GXYLT2: variants seen among roughly 807,000 people sequenced by gnomAD.
GXYLT2 encodes the protein glycosyltransferase 8 domain containing 4.
In GXYLT2, 53 loss-of-function variants were observed where a neutral mutation model predicts 45.8. The ratio of observed to expected loss-of-function variants is 1.16; its 90% CI spans 0.93 to 1.46. GXYLT2 has a LOEUF of 1.46. Among genes scored for constraint, GXYLT2 ranks in the 40% most tolerant of loss-of-function variants. The pLI is 0.00. For synonymous variants in GXYLT2, 219 were observed against 214.2 expected, an observed-to-expected ratio of 1.02 and a Z score of -0.19; for missense variants, 551 against 544.4, an observed-to-expected ratio of 1.01 and a Z score of -0.12.
At position 72,962,412 on chromosome 3, in the gene GXYLT2, G is replaced by A. The variant is rs995608882; in HGVS notation, c.976+5060G>A. On this transcript the variant is annotated intron_variant, in intron 5 of 6. Transcript: ENST00000389617. ...AGTTGGTGTTCAGAAGTGTTGTTTG[G>A]TTGAATGAATGGAATTAAGAGAAGG... Among the ~76,000 whole-genome samples, 4 of 152,154 alleles carry A rather than the reference G, an allele frequency of 2.6e-5. No homozygotes were observed. The East Asian group carries it at 7.7e-4, about 29-fold the overall frequency.
At chr3:72,931,132 A>G (rs960470677) in intron 3 of GXYLT2, among the ~76,000 whole-genome samples, 35 of 152,236 alleles carry the variant, frequency 2.3e-4, no homozygotes, top group African/African-American at 8.2e-4. Context: ...TTCTCTGACC[A>G]CAGTGGAATG....
At chr3:72,967,856 G>T (rs186894533) in intron 6 of GXYLT2, 137 bp downstream of exon 6, 20 of 671,868 alleles carry the variant, frequency 3.0e-5, no homozygotes, top group Non-Finnish European at 5.2e-5. Context: ...CCTCAGTCAC[G>T]CTCTGTCACT....
intron 2 of GXYLT2, 79 bp downstream of exon 2, chr3:72,908,638 T>G: frequency 8.6e-7 from 1 of 1,157,598 alleles, no homozygotes; most frequent in East Asian, 2.4e-5. Context: ...TTCTGTTAAC[T>G]AATGTATTTT....
rs1439252386 is a variant in GXYLT2, at chr3:72,888,520, C to T, written c.275+12C>T. The T allele has an allele frequency of 3.3e-6, 4 of 1,224,690 alleles. No individual in the cohort carries two copies. Among genetic ancestry groups the T allele is most frequent in the South Asian group, 5.7e-5 (2 of 35,326 alleles). The allele number at this position is 1,224,690 out of a possible 1,614,324, so 75.9% of individuals were successfully genotyped here. On this transcript the variant is annotated intron_variant, in intron 1 of 6. Transcript: ENST00000389617. The stretch of plus-strand genomic sequence containing the variant: ...GAGAAGTTGGCGAGGTGAGTCGTGG[C>T]AACCCCAGAATCCCATCTGCGGACC...
intron 3 of GXYLT2, chr3:72,928,979 G>GC: frequency 2.0e-6 from 2 of 992,664 alleles, no homozygotes; most frequent in Non-Finnish European, 3.1e-6. Context: ...CCTCGGTACC[G>GC]CCCCAAGGCC....
At chr3:72,967,769 A>C in intron 6 of GXYLT2, 50 bp downstream of exon 6, 1 of 1,535,394 alleles carries the variant, frequency 6.5e-7, no homozygotes, top group East Asian at 2.3e-5. Flanking sequence ...AGCATGAAGC[A>C]ATATTGGCGC....
At chr3:72,935,779 G>A (rs984772693) in intron 3 of GXYLT2, among the ~76,000 whole-genome samples, 2 of 152,118 alleles carry the variant, frequency 1.3e-5, no homozygotes, top group African/African-American at 4.8e-5. Context: ...TAAGTGTCTA[G>A]GTCGCAAGAC....
intron 5 of GXYLT2, among the ~76,000 whole-genome samples, chr3:72,963,507 G>GTT (rs71126809): frequency 0.47 from 67,815 of 143,560 alleles, 18,588 homozygotes; most frequent in Non-Finnish European, 0.62. Context: ...GGAGTTTTTT[G>GTT]TTTTTTTTTT....
At chr3:72,915,755 C>T (rs1451662026) in intron 2 of GXYLT2, among the ~76,000 whole-genome samples, 2 of 151,892 alleles carry the variant, frequency 1.3e-5, no homozygotes, top group Non-Finnish European at 2.9e-5. Context: ...ATTGCTTGAA[C>T]CTAGGAGGCA....
At chr3:72,929,460 C>G in intron 3 of GXYLT2, 1 of 1,510,424 alleles carries the variant, frequency 6.6e-7, no homozygotes, top group East Asian at 2.3e-5. Context: ...GACACATTAC[C>G]TGAATGAGCA....
intron 3 of GXYLT2, among the ~76,000 whole-genome samples, chr3:72,943,395 G>C (rs1254827930): frequency 2.7e-5 from 4 of 145,998 alleles, no homozygotes; most frequent in African/African-American, 1.0e-4. Context: ...TTTTTTTTTG[G>C]AGACAGGGTC....
chr3:72,929,029 C>T (rs1241416594), intron 3 of GXYLT2: 8 of 1,496,124 alleles, frequency 5.3e-6, no homozygotes, highest in Non-Finnish European at 7.3e-6. Context: ...GCCGCCTCTC[C>T]TTAGCCGCCG....
At chr3:72,897,766 G>C (rs1165316392) in intron 1 of GXYLT2, among the ~76,000 whole-genome samples, 1 of 152,182 alleles carries the variant, frequency 6.6e-6, no homozygotes, top group African/African-American at 2.4e-5. Flanking sequence ...CAAGTGGCAG[G>C]CCTAGAATTT....
At chr3:72,905,605 T>C (rs1252964256) in intron 1 of GXYLT2, among the ~76,000 whole-genome samples, 1 of 152,220 alleles carries the variant, frequency 6.6e-6, no homozygotes, top group Non-Finnish European at 1.5e-5. Context: ...GCATAGGTCT[T>C]GTGCAAATGT....
Position 72,955,185 on chromosome 3 carries a change from A to T in GXYLT2, c.688A>T (p.Arg230Trp). Residue 230 changes from arginine to tryptophan, a missense_variant, in exon 4 of 7, where the codon AGG becomes TGG. Transcript: ENST00000389617. ...TGTTGATGACATCTGGAAGCTTCTG[A>T]GGCTGTTTAATTCCACCCAGCTTGC... ...RPVDDIWKLL[R>W]LFNSTQLAAM... 2 of 1,614,012 alleles carry T rather than the reference A, an allele frequency of 1.2e-6. No individual in the cohort carries two copies. Among genetic ancestry groups the T allele is most frequent in the Non-Finnish European group, 1.7e-6 (2 of 1,179,900 alleles).
In GXYLT2 at chr3:72,899,404, A is replaced by C. The variant is rs528284711; in HGVS notation, c.276-8963A>C. On this transcript the variant is annotated intron_variant, in intron 1 of 6. Coordinates refer to ENST00000389617, the MANE Select transcript of GXYLT2 (RefSeq NM_001080393.2). ...GGCACTCTCTTGGCATTATTCATGT[A>C]ACACCATGACTTCAAGGCAAATGCC... is the stretch of plus-strand genomic sequence containing the variant. Among the ~76,000 whole-genome samples, 133 of 152,346 alleles carry C rather than the reference A, an allele frequency of 8.7e-4. 1 individual carries two copies. The highest frequency in any genetic ancestry group is 3.1e-3 in the African/African-American group (130 of 41,588).
rs1321740891 is a variant in GXYLT2, at chr3:72,951,847, T to C, written c.601-3251T>C. ...TTTTTTGTTTTTTTGTTTTGTTTTA[T>C]TTGTTTTTGAGACAGAGTCTTACTC... is the stretch of plus-strand genomic sequence containing the variant. On this transcript the variant is annotated intron_variant, in intron 3 of 6. Coordinates refer to ENST00000389617, the MANE Select transcript of GXYLT2 (RefSeq NM_001080393.2). Among the ~76,000 whole-genome samples the C allele has an allele frequency of 3.3e-5, 5 of 152,124 alleles. No individual in the cohort carries two copies. The East Asian group carries it at 9.6e-4, about 29-fold the overall frequency.
intron 3 of GXYLT2, among the ~76,000 whole-genome samples, chr3:72,937,945 TA>T (rs1710222409): frequency 6.6e-6 from 1 of 152,146 alleles, no homozygotes; most frequent in South Asian, 2.1e-4. Flanking sequence ...CAGGAGCATG[TA>T]AGCCCTCTCA....
chr3:72,910,799 T>C (rs1052461007), intron 2 of GXYLT2, among the ~76,000 whole-genome samples: 2 of 152,218 alleles, frequency 1.3e-5, no homozygotes, highest in Non-Finnish European at 2.9e-5. Context: ...TTTAACTGGC[T>C]AGTAGTCACA....
Sources: gnomAD v4.1 joint callset for allele counts (sites outside exome capture counted in the v4.1 genomes callset) on GRCh38, gnomAD v4.1.1 for gene constraint, MANE v1.5 for transcripts, NCBI Gene and HGNC (gene_info 2026-07-23, HGNC 2026-07-21) for gene names.